Variants in ABHD12B observed in about 807,000 individuals in gnomAD.
The protein encoded by ABHD12B is protein ABHD12B.
ABHD12B carries 42 observed loss-of-function variants against 50.4 expected under a neutral mutation model. The ratio of observed to expected loss-of-function variants is 0.83; its 90% CI spans 0.65 to 1.08. The LOEUF (loss-of-function observed/expected upper bound fraction) is 1.08, where lower values mean the gene tolerates loss of function less well. ABHD12B is among the 50% of genes least tolerant of loss of function. ABHD12B has a pLI of 0.00. For missense variants in ABHD12B, 479 were observed against 447.7 expected, an observed-to-expected ratio of 1.07 and a Z score of -0.63; for synonymous variants, 167 against 160.3, an observed-to-expected ratio of 1.04 and a Z score of -0.32.
rs977338550 is a variant in ABHD12B, at chr14:50,880,537, A to G, written c.421A>G (p.Ile141Val). The change falls in exon 4 of 13, where the codon ATT becomes GTT. Residue 141 changes from isoleucine to valine, a missense_variant. Physicochemically the swap from Ile to Val is conservative, Grantham distance 29. Transcript: ENST00000337334. ...YEAALRDGNP[I>V]IVYLHGSAEH... is the part of the protein sequence containing the mutation. Reference sequence around the variant, plus strand: ...AGCAGCCCTTCGTGATGGGAACCCAATTATTGTTTATCTTCATGGCAGTGC... The same window carrying G: ...AGCAGCCCTTCGTGATGGGAACCCAGTTATTGTTTATCTTCATGGCAGTGC... 12 of 1,606,584 alleles carry G rather than the reference A, an allele frequency of 7.5e-6. No individual in the cohort carries two copies. The highest frequency in any genetic ancestry group is 8.5e-6 in the Non-Finnish European group (10 of 1,176,116).
chr14:50,896,053 C>G (rs933464345), intron 9 of ABHD12B, among the ~76,000 whole-genome samples: 51 of 152,166 alleles, frequency 3.4e-4, no homozygotes, highest in African/African-American at 1.1e-3. Flanking sequence ...CTTGTATCCC[C>G]CGACCTTAAC....
chr14:50,876,492 G>C (rs147684838), intron 1 of ABHD12B, among the ~76,000 whole-genome samples: 1 of 152,168 alleles, frequency 6.6e-6, no homozygotes, highest in Non-Finnish European at 1.5e-5. Flanking sequence ...AAGAAAGGAC[G>C]GGACCCTGCT....
intron 1 of ABHD12B, among the ~76,000 whole-genome samples, chr14:50,877,664 C>T (rs147989341): frequency 2.0e-5 from 3 of 152,188 alleles, no homozygotes; most frequent in South Asian, 2.1e-4. Flanking sequence ...GTCAGGAGTT[C>T]GAGACCAGCC....
At position 50,872,210 on chromosome 14, in the gene ABHD12B, C is replaced by T. The variant is rs1368340449; in HGVS notation, c.36C>T (p.Pro12=). 7 of 1,377,610 alleles carry T rather than the reference C, an allele frequency of 5.1e-6. No homozygotes were observed. The highest frequency in any genetic ancestry group is 6.6e-6 in the Non-Finnish European group (7 of 1,063,852). The allele number at this position is 1,377,610 out of a possible 1,614,324, so 85.3% of individuals were successfully genotyped here. The part of the protein sequence containing the change: ...DAQDCQAAAS[P]EPPGPPARSC... ...AGGACTGCCAGGCGGCCGCATCGCC[C>T]GAGCCGCCCGGGCCCCCAGCCCGTA... Residue 12 remains proline (P), a synonymous_variant, in exon 1 of 13, where the codon CCC becomes CCT. Coordinates refer to ENST00000337334, the MANE Select transcript of ABHD12B (RefSeq NM_001206673.2).
intron 5 of ABHD12B, among the ~76,000 whole-genome samples, chr14:50,882,371 T>C (rs1377833916): frequency 1.8e-5 from 2 of 108,192 alleles, no homozygotes; most frequent in Non-Finnish European, 3.7e-5. Context: ...ACAGAATGTC[T>C]GCTTTTTTTT....
chr14:50,903,487 C>T lies in ABHD12B; in HGVS notation c.942+20C>T. 1 of 1,594,528 alleles carries T rather than the reference C, an allele frequency of 6.3e-7. No individual in the cohort carries two copies. Among genetic ancestry groups the T allele is most frequent in the Non-Finnish European group, 8.6e-7 (1 of 1,165,560 alleles). On this transcript the variant is annotated intron_variant, in intron 11 of 12. Coordinates refer to ENST00000337334, the MANE Select transcript of ABHD12B (RefSeq NM_001206673.2). ...AAAAAGGTAAACTAAGGGCTCAATGCTGACTGAAATATACTATACTCATTT... is the reference window on the plus strand; with the variant it reads ...AAAAAGGTAAACTAAGGGCTCAATGTTGACTGAAATATACTATACTCATTT...
chr14:50,901,008 C>T (rs1172568504), intron 9 of ABHD12B, among the ~76,000 whole-genome samples: 1 of 152,140 alleles, frequency 6.6e-6, no homozygotes, highest in Non-Finnish European at 1.5e-5. Context: ...GGAATTGCAG[C>T]TTAGTATAAG....
At chr14:50,888,437 C>T (rs1372203793) in intron 8 of ABHD12B, among the ~76,000 whole-genome samples, 8 of 152,086 alleles carry the variant, frequency 5.3e-5, no homozygotes, top group East Asian at 1.9e-4. Context: ...CTCCTGACCT[C>T]GTGATCCGCC....
intron 3 of ABHD12B, among the ~76,000 whole-genome samples, chr14:50,879,745 C>T (rs74552402): frequency 2.6e-4 from 40 of 152,320 alleles, no homozygotes; most frequent in African/African-American, 8.9e-4. Flanking sequence ...TTTGGTGAGT[C>T]AGCTATCTCA....
chr14:50,892,725 AC>A, intron 9 of ABHD12B: 3 of 354,762 alleles, frequency 8.5e-6, no homozygotes, highest in Non-Finnish European at 1.2e-5. Flanking sequence ...TTTAGATAGT[AC>A]TTAATACCAT....
chr14:50,901,898 C>T lies in ABHD12B; in HGVS notation c.850C>T (p.Pro284Ser). 6.3e-7 allele frequency: 1 copy of T among 1,590,068 alleles called. No homozygotes were observed. Among genetic ancestry groups the T allele is most frequent in the Non-Finnish European group, 8.6e-7 (1 of 1,169,290 alleles). Reference sequence around the variant, plus strand: ...CCTGAGAAAAGACAAAATAATCTTTCCTAATGATGAAAAGTAAGTTAATGA... The same window carrying T: ...CCTGAGAAAAGACAAAATAATCTTTTCTAATGATGAAAAGTAAGTTAATGA... ...DALRKDKIIFPNDENVKFLSS... is the reference protein window; with the variant it reads ...DALRKDKIIFSNDENVKFLSS... Residue 284 changes from proline (P) to serine (S), a missense_variant, in exon 10 of 13, where the codon CCT (proline) becomes TCT (serine). By Grantham distance (74) the Pro-to-Ser change is moderately conservative. Transcript: ENST00000337334.
At position 50,894,982 on chromosome 14, in the gene ABHD12B, A is replaced by T. The variant is rs1156722176; in HGVS notation, c.780+6079A>T. 2.5e-4 allele frequency among the ~76,000 whole-genome samples: 37 copies of T among 148,960 alleles called. 1 individual carries two copies. The highest frequency in any genetic ancestry group is 1.4e-3 in the Admixed American group (21 of 15,198). ...TTCGTTCCGTGACTAGCCCTCCCCC[A>T]CCTGCCCAGCAATTTACTCTTAAAA... On this transcript the variant is annotated intron_variant, in intron 9 of 12. Coordinates refer to ENST00000337334, the MANE Select transcript of ABHD12B (RefSeq NM_001206673.2).
chr14:50,876,526 G>A (rs936589809), intron 1 of ABHD12B, among the ~76,000 whole-genome samples: 2 of 152,196 alleles, frequency 1.3e-5, no homozygotes, highest in Non-Finnish European at 2.9e-5. Flanking sequence ...TGCAGAAGGA[G>A]ATCTTAAAAC....
chr14:50,903,517 A>C (rs1439056738), intron 11 of ABHD12B, 50 bp downstream of exon 11: 1 of 1,492,084 alleles, frequency 6.7e-7, no homozygotes, highest in Non-Finnish European at 9.2e-7. Context: ...TCATTTCACC[A>C]TTTTTTTCAT....
chr14:50,903,579 A>G, intron 11 of ABHD12B, 112 bp downstream of exon 11: 2 of 789,700 alleles, frequency 2.5e-6, no homozygotes, highest in Non-Finnish European at 4.0e-6. Context: ...ATTATAGGAG[A>G]TTCTCTACAC....
chr14:50,877,845 C>T, intron 1 of ABHD12B, 107 bp from the exon 2 acceptor site: 1 of 1,175,742 alleles, frequency 8.5e-7, no homozygotes, highest in Middle Eastern at 2.5e-4. Flanking sequence ...CCAGCCTGGG[C>T]AACAAGAGCA....
At chr14:50,874,226 A>T (rs968821253) in intron 1 of ABHD12B, among the ~76,000 whole-genome samples, 1 of 152,182 alleles carries the variant, frequency 6.6e-6, no homozygotes. Context: ...TTTTACAAAA[A>T]TTTTTATCAA....
rs767199730 is a variant in ABHD12B at position 50,877,959 on chromosome 14, C to G, written c.112C>G (p.Pro38Ala). 7.3e-4 allele frequency: 1,112 copies of G among 1,523,198 alleles called. 2 individuals carry two copies. The highest frequency in any genetic ancestry group is 9.1e-4 in the Non-Finnish European group (1,040 of 1,142,046). The allele number at this position is 1,523,198 out of a possible 1,614,324, so 94.4% of individuals were successfully genotyped here. A position where few individuals can be genotyped will look rare whatever the true frequency, so the allele number is the denominator to read the frequency against. ...TTTCCCAATACCTTGCAGATATTTT[C>G]CACACTCCTGTTCAATGCTCGGAAG... is the stretch of plus-strand genomic sequence containing the variant. ...DMVDRNLRYF[P>A]HSCSMLGRKI... The change falls in exon 2 of 13, where the codon CCA becomes GCA. Residue 38 changes from proline to alanine, a missense_variant. Transcript: ENST00000337334.
chr14:50,891,444 C>T (rs894918113), intron 9 of ABHD12B: 1 of 152,178 alleles, frequency 6.6e-6, no homozygotes, highest in Non-Finnish European at 1.5e-5. Context: ...GGGGTTTCAC[C>T]GTGTTAGGCA....
Sources: gnomAD v4.1 joint callset for allele counts (sites outside exome capture counted in the v4.1 genomes callset) on GRCh38, gnomAD v4.1.1 for gene constraint, MANE v1.5 for transcripts, NCBI Gene and HGNC (gene_info 2026-07-23, HGNC 2026-07-21) for gene names.